The following TRDN variants were observed in gnomAD, a reference collection of about 807,000 sequenced individuals.
The protein encoded by TRDN is triadin.
Under a neutral mutation model 149.7 loss-of-function variants are expected in TRDN, and 161 were observed. That is an observed-to-expected ratio of 1.08 (90% CI 0.95 to 1.23). TRDN has a LOEUF of 1.23. Among genes scored for constraint, TRDN ranks in the 50% most tolerant of loss-of-function variants. TRDN has a pLI of 0.00. For missense variants in TRDN, 896 were observed against 823.5 expected (o/e 1.09, Z -1.08); for synonymous variants, 294 against 250.5 (o/e 1.17, Z -1.64).
chr6:123,230,915 G>A (rs891642259), intron 38 of TRDN, among the ~76,000 whole-genome samples: 8 of 151,900 alleles, frequency 5.3e-5, no homozygotes, highest in African/African-American at 1.9e-4. Flanking sequence ...TCTGTGCCAG[G>A]TATGCTACTA....
At position 123,512,351 on chromosome 6, in the gene TRDN, C is replaced by T. The variant is rs2114859227; in HGVS notation, c.562G>A (p.Glu188Lys). 1 of 1,503,080 alleles carries T rather than the reference C, an allele frequency of 6.7e-7. No homozygotes were observed. Among genetic ancestry groups the T allele is most frequent in the Non-Finnish European group, 9.1e-7 (1 of 1,096,662 alleles). 93.1% of individuals were successfully genotyped at this position (1,503,080 alleles called of 1,614,324 possible). The change falls in exon 7 of 41, where the codon GAA becomes AAA. Residue 188 changes from glutamate (E) to lysine (K), a missense_variant. Transcript: ENST00000334268. The stretch of plus-strand genomic sequence containing the variant: ...GGTTTTTCTTTTTTCTCAATTTTTT[C>T]CTTGTGAGTTGCTTAAACAGAAAAT... Reference protein sequence around the residue: ...EKPEKKATHKEKIEKKEKPET... With the variant: ...EKPEKKATHKKKIEKKEKPET...
intron 9 of TRDN, among the ~76,000 whole-genome samples, chr6:123,473,325 A>G (rs1583103285): frequency 1.3e-5 from 2 of 152,122 alleles, no homozygotes; most frequent in East Asian, 1.9e-4. Context: ...GATGCGATCA[A>G]CTGGAAGAAA....
At chr6:123,606,489 A>G (rs1376783929) in intron 1 of TRDN, among the ~76,000 whole-genome samples, 1 of 151,992 alleles carries the variant, frequency 6.6e-6, no homozygotes, top group African/African-American at 2.4e-5. Flanking sequence ...TTAAATTTTC[A>G]TTCTCAGGAA....
At chr6:123,401,666 C>T (rs561005341) in intron 12 of TRDN, among the ~76,000 whole-genome samples, 51 of 152,086 alleles carry the variant, frequency 3.4e-4, no homozygotes, top group African/African-American at 1.1e-3. Flanking sequence ...TAAAGGAGGC[C>T]GGGTGTAGTG....
intron 10 of TRDN, among the ~76,000 whole-genome samples, chr6:123,458,054 T>C (rs1776235753): frequency 6.6e-6 from 1 of 152,214 alleles, no homozygotes; most frequent in South Asian, 2.1e-4. Flanking sequence ...TCATGACTAC[T>C]GCATCCTCAT....
At chr6:123,441,249 TC>T (rs560998634) in intron 10 of TRDN, 74 of 152,274 alleles carry the variant, frequency 4.9e-4, no homozygotes, top group African/African-American at 1.8e-3. Flanking sequence ...TATGAAAACT[TC>T]CTTGCCCCTG....
chr6:123,401,671 G>A (rs149091257), intron 12 of TRDN, among the ~76,000 whole-genome samples: 2 of 152,152 alleles, frequency 1.3e-5, no homozygotes, highest in South Asian at 2.1e-4. Flanking sequence ...GAGGCCGGGT[G>A]TAGTGCCTCA....
intron 12 of TRDN, among the ~76,000 whole-genome samples, chr6:123,397,601 A>T (rs997528981): frequency 6.6e-6 from 1 of 152,176 alleles, no homozygotes; most frequent in African/African-American, 2.4e-5. Flanking sequence ...AAGCTCAGGG[A>T]TCTATTTCAC....
intron 24 of TRDN, among the ~76,000 whole-genome samples, chr6:123,282,483 T>C (rs1287834027): frequency 6.6e-6 from 1 of 151,934 alleles, no homozygotes; most frequent in Non-Finnish European, 1.5e-5. Flanking sequence ...AATTACTATA[T>C]TAATTCATTC....
chr6:123,329,775 C>A (rs1421749064), intron 23 of TRDN, among the ~76,000 whole-genome samples: 1 of 151,896 alleles, frequency 6.6e-6, no homozygotes, highest in South Asian at 2.1e-4. Context: ...AATTAAAATC[C>A]TGACAGTAAT....
intron 9 of TRDN, among the ~76,000 whole-genome samples, chr6:123,473,912 C>A (rs1174075771): frequency 2.0e-5 from 3 of 151,802 alleles, no homozygotes; most frequent in African/African-American, 7.3e-5. Flanking sequence ...TTTGTCACCA[C>A]CAGGCCTGCC....
chr6:123,232,599 A>G (rs1775646630), intron 38 of TRDN, among the ~76,000 whole-genome samples: 1 of 151,998 alleles, frequency 6.6e-6, no homozygotes, highest in Admixed American at 6.6e-5. Context: ...TAAGAACTGC[A>G]GAGGCATGAT....
At chr6:123,539,726 G>GT (rs1486849024) in intron 4 of TRDN, among the ~76,000 whole-genome samples, 1 of 152,160 alleles carries the variant, frequency 6.6e-6, no homozygotes, top group Non-Finnish European at 1.5e-5. Flanking sequence ...TATCATTCAT[G>GT]TTTTGGGATT....
At chr6:123,556,183 A>T (rs1161854966) in intron 2 of TRDN, among the ~76,000 whole-genome samples, 1 of 152,146 alleles carries the variant, frequency 6.6e-6, no homozygotes, top group Non-Finnish European at 1.5e-5. Context: ...TAAATGCCTT[A>T]CTTTACAAAT....
intron 33 of TRDN, among the ~76,000 whole-genome samples, chr6:123,263,825 C>G (rs1221906777): frequency 6.6e-6 from 1 of 151,982 alleles, no homozygotes; most frequent in Admixed American, 6.6e-5. Flanking sequence ...AATTTTAGGT[C>G]CCTTAAGAAT....
intron 10 of TRDN, among the ~76,000 whole-genome samples, chr6:123,455,889 T>C (rs1776092266): frequency 6.6e-6 from 1 of 152,208 alleles, no homozygotes; most frequent in South Asian, 2.1e-4. Flanking sequence ...TTTCTGTAAT[T>C]GGAAATGGAT....
At chr6:123,481,455 T>C (rs1777745509) in intron 9 of TRDN, among the ~76,000 whole-genome samples, 1 of 150,748 alleles carries the variant, frequency 6.6e-6, no homozygotes, top group Non-Finnish European at 1.5e-5. Context: ...AGGGACCCTC[T>C]GTTTTTGAAA....
intron 38 of TRDN, among the ~76,000 whole-genome samples, chr6:123,235,775 G>A (rs1336918803): frequency 6.6e-6 from 1 of 152,102 alleles, no homozygotes; most frequent in Admixed American, 6.6e-5. Context: ...CCCAATGGAA[G>A]AATCTCATAT....
At chr6:123,634,119 T>C (rs1398397042) in intron 1 of TRDN, among the ~76,000 whole-genome samples, 1 of 151,950 alleles carries the variant, frequency 6.6e-6, no homozygotes, top group East Asian at 1.9e-4. Context: ...GTGCTTACAT[T>C]TCAGTAATGT....
Sources: allele counts gnomAD v4.1 joint callset (sites outside exome capture counted in the v4.1 genomes callset), GRCh38; gene constraint gnomAD v4.1.1; transcripts MANE v1.5; gene names NCBI Gene and HGNC (gene_info 2026-07-23, HGNC 2026-07-21).